KCTD2: variants seen among roughly 807,000 people sequenced by gnomAD.
KCTD2 encodes the protein potassium channel tetramerization domain containing 2.
KCTD2 carries 18 observed loss-of-function variants against 27.9 expected under a neutral mutation model. That is an observed-to-expected ratio of 0.64 (90% CI 0.45 to 0.96). KCTD2 has a LOEUF of 0.96. KCTD2 is among the 40% of genes least tolerant of loss of function. The pLI, the probability that KCTD2 is intolerant of heterozygous loss-of-function variation, is 0.00. For missense variants in KCTD2, 280 were observed against 348.0 expected (o/e 0.80, Z 1.56); for synonymous variants, 175 against 148.4 (o/e 1.18, Z -1.30).
In KCTD2 at chr17:75,049,347, T is replaced by C. The variant is rs779410958; in HGVS notation, c.448+19T>C. 1.2e-5 allele frequency: 17 copies of C among 1,405,768 alleles called. No homozygotes were observed. The East Asian group carries it at 2.3e-4, about 19-fold the overall frequency. The allele number at this position is 1,405,768 out of a possible 1,614,324, so 87.1% of individuals were successfully genotyped here. ...GAAGAAGGTAAGCGCACTGTTTGCA[T>C]TGGGGATTTTCAAAATGCAAGTAGA... On this transcript the variant is annotated intron_variant, in intron 2 of 5. Transcript: ENST00000322444.
rs1159577419 is a variant in KCTD2, at chr17:75,063,094, G to T, written c.*47G>T. On this transcript the variant is annotated 3_prime_UTR_variant, in exon 6 of 6. Transcript: ENST00000322444. ...GACCTTCAGGAGAGCAGTCAGCAGA[G>T]CCCCTCTGTGAAGTGAAACCTCACT... is the stretch of plus-strand genomic sequence containing the variant. 2 of 1,582,454 alleles carry T rather than the reference G, an allele frequency of 1.3e-6. No individual in the cohort carries two copies. The highest frequency in any genetic ancestry group is 1.7e-4 in the Middle Eastern group (1 of 6,020).
intron 2 of KCTD2, among the ~76,000 whole-genome samples, chr17:75,051,305 G>A (rs113613492): frequency 0.066 from 6,196 of 94,592 alleles, 339 homozygotes; most frequent in Middle Eastern, 0.19. Context: ...TTTTTTTGGC[G>A]ACAGAGTCTC....
intron 3 of KCTD2, among the ~76,000 whole-genome samples, chr17:75,055,132 G>A (rs913932466): frequency 6.6e-6 from 1 of 151,958 alleles, no homozygotes; most frequent in Non-Finnish European, 1.5e-5. Flanking sequence ...TCGGCTTACT[G>A]CAACCTCTGC....
Position 75,063,343 on chromosome 17 carries a change from T to TTCGGGGATCTGGGGGA in KCTD2, c.*298_*313dup. The TTCGGGGATCTGGGGGA allele has an allele frequency of 4.6e-6, 2 of 432,996 alleles. No individual in the cohort carries two copies. Among genetic ancestry groups the TTCGGGGATCTGGGGGA allele is most frequent in the Middle Eastern group, 6.7e-4 (1 of 1,484 alleles). 26.8% of individuals were successfully genotyped at this position (432,996 alleles called of 1,614,324 possible). On this transcript the variant is annotated 3_prime_UTR_variant, in exon 6 of 6. Transcript: ENST00000322444. ...TGGGCTGGGTTCCCAGTCGGAGCCT[T>TTCGGGGATCTGGGGGA]TCGGGGATCTGGGGGATGAGGGCGG...
intron 2 of KCTD2, among the ~76,000 whole-genome samples, chr17:75,050,615 G>A (rs1013544064): frequency 2.6e-5 from 4 of 152,058 alleles, no homozygotes; most frequent in Non-Finnish European, 4.4e-5. Flanking sequence ...CATGGAGAAT[G>A]GGGTATCCAT....
chr17:75,039,072 A>G, intron 3 of KCTD2: 3 of 1,613,758 alleles, frequency 1.9e-6, no homozygotes, highest in South Asian at 1.1e-5. Flanking sequence ...ATCTGGAAAG[A>G]GGGGGAATGT....
chr17:75,063,978 T>C lies in KCTD2; in HGVS notation c.*931T>C, dbSNP rs11077773. 37,363 of 152,662 alleles carry C rather than the reference T, an allele frequency of 0.24. 7,918 individuals are homozygous for C. The highest frequency in any genetic ancestry group is 0.62 in the East Asian group (3,206 of 5,174). 9.5% of individuals were successfully genotyped at this position (152,662 alleles called of 1,614,324 possible). ...TCTTTGAAAGTTGCCAAATGTGTTATGTTGTGTCTCAGAGAGAGTTATTTC... is the reference window on the plus strand; with the variant it reads ...TCTTTGAAAGTTGCCAAATGTGTTACGTTGTGTCTCAGAGAGAGTTATTTC... On this transcript the variant is annotated 3_prime_UTR_variant, in exon 6 of 6. Transcript: ENST00000322444.
At chr17:75,050,164 C>T (rs2144926869) in intron 2 of KCTD2, among the ~76,000 whole-genome samples, 1 of 152,328 alleles carries the variant, frequency 6.6e-6, no homozygotes, top group Middle Eastern at 3.4e-3. Flanking sequence ...GAATTCCTTG[C>T]ATCCACTATC....
At chr17:75,059,257 TTTGGATATGTTTTTA>T (rs2073380258) in intron 3 of KCTD2, 1 of 315,546 alleles carries the variant, frequency 3.2e-6, no homozygotes, top group African/African-American at 2.1e-5. Context: ...TCTTTCACTC[TTTGGATATGTTTTTA>T]TTGAAAAGCC....
At chr17:75,049,571 T>C (rs12946754) in intron 2 of KCTD2, among the ~76,000 whole-genome samples, 12,693 of 152,266 alleles carry the variant, frequency 0.083, 846 homozygotes, top group African/African-American at 0.18. Context: ...TGCAGATAAC[T>C]TCAGGAGTTC....
intron 4 of KCTD2, among the ~76,000 whole-genome samples, chr17:75,060,791 C>T (rs1364626284): frequency 6.6e-6 from 1 of 152,242 alleles, no homozygotes; most frequent in Non-Finnish European, 1.5e-5. Flanking sequence ...TTTAACAGGT[C>T]AACAGCTGTC....
rs928929644 is a variant in KCTD2, at chr17:75,038,151, C to T, written c.-259+2794C>T. The stretch of plus-strand genomic sequence containing the variant: ...CCCTTTTTTTTTAGAGGCAAAGTCT[C>T]GCTCTGTCACTCAGGCTGGAGTGCA... On this transcript the variant is annotated intron_variant, in intron 3 of 7. Coordinates refer to the KCTD2 transcript ENST00000581589. 3.9e-5 allele frequency among the ~76,000 whole-genome samples: 6 copies of T among 152,102 alleles called. No homozygotes were observed. In the South Asian group the frequency reaches 1.0e-3, roughly 26 times the overall value.
intron 3 of KCTD2, chr17:75,039,199 T>C (rs748293657): frequency 1.2e-6 from 2 of 1,613,966 alleles, no homozygotes; most frequent in South Asian, 2.2e-5. Flanking sequence ...CGGCTACCCA[T>C]CATCCTTACC....
upstream of KCTD2, among the ~76,000 whole-genome samples, chr17:75,043,627 A>AAC (rs1031624117): frequency 6.6e-6 from 1 of 151,204 alleles, no homozygotes; most frequent in African/African-American, 2.5e-5. Context: ...AAAAAAAAAA[A>AAC]ACAAACCCCA....
chr17:75,055,600 G>A (rs530666982), intron 3 of KCTD2, among the ~76,000 whole-genome samples: 3 of 151,818 alleles, frequency 2.0e-5, no homozygotes, highest in African/African-American at 7.2e-5. Flanking sequence ...TTGGGAGGCC[G>A]AGGCAGGTGG....
At chr17:75,036,366 T>C (rs1212631252) in intron 3 of KCTD2, among the ~76,000 whole-genome samples, 1 of 151,300 alleles carries the variant, frequency 6.6e-6, no homozygotes, top group Admixed American at 6.6e-5. Context: ...AGTGATCCGC[T>C]CACCTCGGCC....
upstream of KCTD2, among the ~76,000 whole-genome samples, chr17:75,044,127 C>A (rs796603439): frequency 6.6e-6 from 1 of 150,378 alleles, no homozygotes; most frequent in Non-Finnish European, 1.5e-5. Context: ...CAGGCTCAAG[C>A]GATTCTCCTG....
chr17:75,053,947 G>A (rs2073322228), intron 3 of KCTD2, among the ~76,000 whole-genome samples: 1 of 146,524 alleles, frequency 6.8e-6, no homozygotes, highest in African/African-American at 2.6e-5. Flanking sequence ...ACAGGAGTGA[G>A]CCACCACACC....
intron 2 of KCTD2, among the ~76,000 whole-genome samples, chr17:75,049,681 C>T (rs1018652138): frequency 2.0e-5 from 3 of 152,198 alleles, no homozygotes; most frequent in African/African-American, 7.2e-5. Context: ...CTCTGACATT[C>T]AATTATTTAT....
Sources: gnomAD v4.1 joint callset for allele counts (sites outside exome capture counted in the v4.1 genomes callset) on GRCh38, gnomAD v4.1.1 for gene constraint, MANE v1.5 for transcripts, NCBI Gene and HGNC (gene_info 2026-07-23, HGNC 2026-07-21) for gene names.